Variants in RAPGEF6 observed in about 807,000 individuals in gnomAD.
RAPGEF6 encodes the protein Rap guanine nucleotide exchange factor 6, also known as PDZ domain containing guanine nucleotide exchange factor (GEF) 2.
A neutral mutation model predicts 171.4 loss-of-function variants in RAPGEF6; 56 were observed. That is an observed-to-expected ratio of 0.33 (90% confidence interval 0.26 to 0.41). The LOEUF (loss-of-function observed/expected upper bound fraction) is 0.41. Among genes scored for constraint, RAPGEF6 ranks in the 10% least tolerant of loss-of-function variants. The probability of loss-of-function intolerance (pLI) is 1.00; values close to 1 mark genes in which losing one functional copy is unlikely to be tolerated. For synonymous variants in RAPGEF6, 692 were observed against 650.1 expected, an observed-to-expected ratio of 1.06 and a Z score of -0.98; for missense variants, 1,674 against 1,921.4, an observed-to-expected ratio of 0.87 and a Z score of 2.41.
At chr5:131,508,238 A>G (rs1348604224) in intron 8 of RAPGEF6, 31 bp from the exon 9 acceptor site, 3 of 1,578,208 alleles carry the variant, frequency 1.9e-6, no homozygotes, top group Non-Finnish European at 2.6e-6. Flanking sequence ...TGGTATAAAG[A>G]CCATCGAGGA....
chr5:131,437,861 C>T (rs1160180211), intron 24 of RAPGEF6, among the ~76,000 whole-genome samples: 4 of 152,104 alleles, frequency 2.6e-5, no homozygotes, highest in Non-Finnish European at 5.9e-5. Context: ...AAACACTTAC[C>T]ACACATGAGG....
At chr5:131,471,975 T>A (rs958973494) in intron 17 of RAPGEF6, 2 of 153,270 alleles carry the variant, frequency 1.3e-5, no homozygotes, top group Admixed American at 1.3e-4. Flanking sequence ...GTAAGATATA[T>A]CTTGCCTGAG....
chr5:131,618,355 G>A (rs1374916049), intron 1 of RAPGEF6, among the ~76,000 whole-genome samples: 1 of 152,114 alleles, frequency 6.6e-6, no homozygotes, highest in Admixed American at 6.6e-5. Flanking sequence ...TTATGGCCAG[G>A]CATGGTGGTC....
At chr5:131,431,474 T>C in intron 25 of RAPGEF6, 125 bp from the exon 26 acceptor site, 1 of 1,018,242 alleles carries the variant, frequency 9.8e-7, no homozygotes, top group Non-Finnish European at 1.4e-6. Context: ...CCAAATAACA[T>C]CGTGAGGAAA....
At chr5:131,565,740 G>C (rs1334643285) in intron 4 of RAPGEF6, among the ~76,000 whole-genome samples, 1 of 152,134 alleles carries the variant, frequency 6.6e-6, no homozygotes, top group African/African-American at 2.4e-5. Context: ...ATTCAATGGA[G>C]AAAGATAATC....
At chr5:131,611,157 G>A (rs1209741748) in intron 1 of RAPGEF6, among the ~76,000 whole-genome samples, 1 of 151,892 alleles carries the variant, frequency 6.6e-6, no homozygotes, top group Non-Finnish European at 1.5e-5. Context: ...CTTCACAAAT[G>A]TCACATGAGC....
intron 1 of RAPGEF6, among the ~76,000 whole-genome samples, chr5:131,608,579 T>A (rs2150020983): frequency 6.6e-6 from 1 of 152,208 alleles, no homozygotes; most frequent in East Asian, 1.9e-4. Context: ...GGTTTGTCCC[T>A]GCCAAAACTC....
intron 6 of RAPGEF6, among the ~76,000 whole-genome samples, chr5:131,529,657 T>C (rs1328148870): frequency 6.6e-6 from 1 of 151,956 alleles, no homozygotes; most frequent in Non-Finnish European, 1.5e-5. Flanking sequence ...ATGCCTGTAA[T>C]CCCAGCACTT....
chr5:131,512,099 T>G (rs1315890871), intron 7 of RAPGEF6, among the ~76,000 whole-genome samples: 1 of 149,172 alleles, frequency 6.7e-6, no homozygotes, highest in East Asian at 2.0e-4. Context: ...AACAAGAGAG[T>G]CAAACAAAGA....
Position 131,432,478 on chromosome 5 carries a change from C to T in RAPGEF6, c.3974+952G>A, listed in dbSNP as rs561925639. ...CTAAAAATACAAAAAATTAGCCGGG[C>T]GTGGTGGTGGGCGCCTGTAGTCCCA... On this transcript the variant is annotated intron_variant, in intron 25 of 27. Coordinates refer to ENST00000509018, the MANE Select transcript of RAPGEF6 (RefSeq NM_016340.6). Among the ~76,000 whole-genome samples the T allele has an allele frequency of 2.7e-3, 409 of 152,060 alleles. 3 individuals are homozygous for T. The highest frequency in any genetic ancestry group is 9.4e-3 in the African/African-American group (389 of 41,510).
At chr5:131,517,883 G>T (rs1024857802) in intron 7 of RAPGEF6, among the ~76,000 whole-genome samples, 1 of 151,542 alleles carries the variant, frequency 6.6e-6, no homozygotes, top group African/African-American at 2.4e-5. Context: ...TTGTACTTTG[G>T]AGGGTATATC....
At chr5:131,540,300 G>A (rs1437767070) in intron 6 of RAPGEF6, among the ~76,000 whole-genome samples, 1 of 152,228 alleles carries the variant, frequency 6.6e-6, no homozygotes, top group Non-Finnish European at 1.5e-5. Flanking sequence ...GGGTGCAGAA[G>A]CTCATGTCTA....
At chr5:131,515,047 C>T (rs573145204) in intron 7 of RAPGEF6, among the ~76,000 whole-genome samples, 2 of 152,198 alleles carry the variant, frequency 1.3e-5, no homozygotes, top group Middle Eastern at 3.4e-3. Context: ...TCTGATGACT[C>T]GGCCTTCCCC....
rs559769769 is a variant in RAPGEF6, at chr5:131,486,751, A to G, written c.1840+2795T>C. Among the ~76,000 whole-genome samples the G allele has an allele frequency of 3.2e-5, 4 of 124,256 alleles. No homozygotes were observed. The South Asian group carries it at 1.0e-3, about 31-fold the overall frequency. 81.5% of individuals were successfully genotyped at this position (124,256 alleles called of 152,430 possible). A position where few individuals can be genotyped will look rare whatever the true frequency, so the allele number is the denominator to read the frequency against. Reference sequence around the variant, plus strand: ...ATTTTTTTTTTTTTTTTTTTTTGAGATAGAGTCTCGCTCTGTCCCCCAGGC... The same window carrying G: ...ATTTTTTTTTTTTTTTTTTTTTGAGGTAGAGTCTCGCTCTGTCCCCCAGGC... On this transcript the variant is annotated intron_variant, in intron 15 of 27. Coordinates refer to ENST00000509018, the MANE Select transcript of RAPGEF6 (RefSeq NM_016340.6).
chr5:131,548,270 A>C, intron 5 of RAPGEF6, 80 bp from the exon 6 acceptor site: 4 of 1,385,278 alleles, frequency 2.9e-6, no homozygotes, highest in Middle Eastern at 3.9e-4. Context: ...TAACAGACTC[A>C]TAAGGAAGCT....
In RAPGEF6 at chr5:131,554,621, G is replaced by A. The variant is rs185208535; in HGVS notation, c.352-6431C>T. On this transcript the variant is annotated intron_variant, in intron 5 of 27. Coordinates refer to ENST00000509018, the MANE Select transcript of RAPGEF6 (RefSeq NM_016340.6). ...TGCAACCTCCACCTCCCGGGTTCAA[G>A]TGATTCTCCAGCCTCAGCCTCCCAA... Among the ~76,000 whole-genome samples the A allele has an allele frequency of 6.9e-3, 1,049 of 152,296 alleles. 15 individuals carry two copies. Among genetic ancestry groups the A allele is most frequent in the South Asian group, 0.02 (96 of 4,822 alleles).
rs776827223 is a variant in RAPGEF6 at position 131,442,572 on chromosome 5, G to A, written c.3422-35C>T. 38 of 1,606,528 alleles carry A rather than the reference G, an allele frequency of 2.4e-5. No homozygotes were observed. In the Admixed American group the frequency reaches 2.7e-4, roughly 11 times the overall value. On this transcript the variant is annotated intron_variant, in intron 22 of 27. Transcript: ENST00000509018. ...GAGAGTAAGAAATAAGTAACTGCACGTTTTTAGGCAAGGTTATCACCACTG... is the reference window on the plus strand; with the variant it reads ...GAGAGTAAGAAATAAGTAACTGCACATTTTTAGGCAAGGTTATCACCACTG...
intron 22 of RAPGEF6, among the ~76,000 whole-genome samples, chr5:131,444,055 G>T (rs1752541121): frequency 6.6e-6 from 1 of 152,158 alleles, no homozygotes; most frequent in Non-Finnish European, 1.5e-5. Flanking sequence ...TAATCCTTAG[G>T]TTATCCAGGG....
Position 131,446,643 on chromosome 5 carries a change from T to C in RAPGEF6, c.3261A>G (p.Lys1087=). The change falls in exon 22 of 28, where the codon AAA becomes AAG. Residue 1087 remains lysine (K), a synonymous_variant. Coordinates refer to ENST00000509018, the MANE Select transcript of RAPGEF6 (RefSeq NM_016340.6). ...GCAGAGAGCTGCGGCGTGCCCTTTTTTTGTGAGCACCTCCCTGAACATCCA... is the reference window on the plus strand; with the variant it reads ...GCAGAGAGCTGCGGCGTGCCCTTTTCTTGTGAGCACCTCCCTGAACATCCA... ...NMLDVQGGAH[K]KRARRSSLLN... is the part of the protein sequence containing the mutation. 1 of 1,614,240 alleles carries C rather than the reference T, an allele frequency of 6.2e-7. No homozygotes were observed. Among genetic ancestry groups the C allele is most frequent in the Non-Finnish European group, 8.5e-7 (1 of 1,180,018 alleles).
Sources: gnomAD v4.1 joint callset for allele counts (sites outside exome capture counted in the v4.1 genomes callset) on GRCh38, gnomAD v4.1.1 for gene constraint, MANE v1.5 for transcripts, NCBI Gene and HGNC (gene_info 2026-07-23, HGNC 2026-07-21) for gene names.